GMDS: variants seen among roughly 807,000 people sequenced by gnomAD.
GMDS encodes the protein GDP-mannose 4,6 dehydratase.
In GMDS, 20 loss-of-function variants were observed where a neutral mutation model predicts 49.9. The ratio of observed to expected loss-of-function variants is 0.40; its 90% CI spans 0.28 to 0.58. GMDS has a LOEUF of 0.58. GMDS is among the 20% of genes least tolerant of loss of function. GMDS has a pLI of 0.42. For synonymous variants in GMDS, 177 were observed against 178.6 expected, an observed-to-expected ratio of 0.99 and a Z score of 0.07; for missense variants, 362 against 481.4, an observed-to-expected ratio of 0.75 and a Z score of 2.32.
intron 7 of GMDS, among the ~76,000 whole-genome samples, chr6:1,817,052 G>A (rs1291746911): frequency 3.4e-5 from 5 of 147,716 alleles, no homozygotes; most frequent in Middle Eastern, 3.2e-3. Flanking sequence ...TAAGAAAAGC[G>A]GCATGACTAG....
chr6:1,669,261 C>T (rs904813501), intron 9 of GMDS, among the ~76,000 whole-genome samples: 1 of 152,108 alleles, frequency 6.6e-6, no homozygotes, highest in Non-Finnish European at 1.5e-5. Context: ...GGAATTTCAG[C>T]CTTTTTGGGG....
intron 7 of GMDS, among the ~76,000 whole-genome samples, chr6:1,854,372 G>T (rs1444011749): frequency 1.3e-5 from 2 of 152,118 alleles, no homozygotes; most frequent in Non-Finnish European, 2.9e-5. Flanking sequence ...AGATTTTGTT[G>T]TAAACACCAA....
intron 1 of GMDS, among the ~76,000 whole-genome samples, chr6:2,243,350 C>A (rs1781704663): frequency 6.6e-6 from 1 of 152,176 alleles, no homozygotes; most frequent in Non-Finnish European, 1.5e-5. Flanking sequence ...AATTAGGTTC[C>A]ATTTCTAATC....
chr6:2,111,269 C>G (rs1774532324), intron 4 of GMDS, among the ~76,000 whole-genome samples: 1 of 152,204 alleles, frequency 6.6e-6, no homozygotes, highest in Non-Finnish European at 1.5e-5. Flanking sequence ...ATGGGCAGGA[C>G]TACGCATTGG....
intron 4 of GMDS, among the ~76,000 whole-genome samples, chr6:1,968,210 A>T (rs1392542748): frequency 6.6e-6 from 1 of 152,248 alleles, no homozygotes; most frequent in Non-Finnish European, 1.5e-5. Context: ...GCCACTATTC[A>T]CATATAATAT....
chr6:1,861,841 G>A lies in GMDS; in HGVS notation c.771+68262C>T, dbSNP rs114663723. Among the ~76,000 whole-genome samples, 939 of 152,108 alleles carry A rather than the reference G, an allele frequency of 6.2e-3. 9 individuals carry two copies. The highest frequency in any genetic ancestry group is 0.021 in the African/African-American group (854 of 41,494). On this transcript the variant is annotated intron_variant, in intron 7 of 10. Transcript: ENST00000380815. ...TTTTATAAACACATTTTGTCTTTTC[G>A]GACTTCACCTCTGAAAAAGTGAGTA...
At chr6:1,938,959 C>T (rs1046565497) in intron 6 of GMDS, among the ~76,000 whole-genome samples, 2 of 124,832 alleles carry the variant, frequency 1.6e-5, no homozygotes, top group Non-Finnish European at 3.4e-5. Context: ...TCTTTCCTCC[C>T]CTCCCCTCCC....
At chr6:2,176,507 A>AT (rs1350361546) in intron 1 of GMDS, among the ~76,000 whole-genome samples, 3 of 152,154 alleles carry the variant, frequency 2.0e-5, no homozygotes, top group Admixed American at 1.3e-4. Flanking sequence ...CTTGGAGGAA[A>AT]TTCGGGGTTG....
chr6:2,057,471 G>A (rs563034319), intron 4 of GMDS, among the ~76,000 whole-genome samples: 1 of 152,088 alleles, frequency 6.6e-6, no homozygotes, highest in African/African-American at 2.4e-5. Context: ...ACATCTCTAG[G>A]TGAAAACCTC....
At chr6:1,975,764 A>T (rs1461561402) in intron 4 of GMDS, among the ~76,000 whole-genome samples, 1 of 152,172 alleles carries the variant, frequency 6.6e-6, no homozygotes, top group Non-Finnish European at 1.5e-5. Context: ...ACAGGAGGGG[A>T]ACAAAGAAAA....
chr6:1,725,860 G>A (rs1316326425), intron 9 of GMDS, among the ~76,000 whole-genome samples: 1 of 152,254 alleles, frequency 6.6e-6, no homozygotes, highest in African/African-American at 2.4e-5. Context: ...AGCATATAAT[G>A]TGGATACAAA....
At chr6:1,852,563 G>C (rs576773270) in intron 7 of GMDS, among the ~76,000 whole-genome samples, 2 of 152,094 alleles carry the variant, frequency 1.3e-5, no homozygotes, top group African/African-American at 4.8e-5. Context: ...CCACTAAAAA[G>C]GTGCGTTTCT....
intron 7 of GMDS, among the ~76,000 whole-genome samples, chr6:1,842,567 T>C (rs1044819662): frequency 2.6e-5 from 4 of 152,234 alleles, no homozygotes; most frequent in African/African-American, 9.6e-5. Context: ...ATGTCAATAC[T>C]GTGGACAGCA....
intron 1 of GMDS, among the ~76,000 whole-genome samples, chr6:2,201,354 G>A (rs1341004115): frequency 3.9e-5 from 5 of 128,420 alleles, no homozygotes; most frequent in Non-Finnish European, 3.3e-5. Context: ...GAGAGGTGAA[G>A]GATGAAGAGA....
At chr6:2,149,014 G>A (rs760583225) in intron 1 of GMDS, among the ~76,000 whole-genome samples, 1 of 152,174 alleles carries the variant, frequency 6.6e-6, no homozygotes, top group Non-Finnish European at 1.5e-5. Flanking sequence ...CAGACATGGA[G>A]AGCACCTGAG....
At chr6:1,930,409 T>C (rs1762235530) in intron 6 of GMDS, 179 bp from the exon 7 acceptor site, 3 of 518,464 alleles carry the variant, frequency 5.8e-6, no homozygotes, top group Non-Finnish European at 3.4e-6. Context: ...TTTAGACAAG[T>C]TAAGAAGCCC....
At chr6:1,991,878 G>A (rs1275038050) in intron 4 of GMDS, among the ~76,000 whole-genome samples, 1 of 152,226 alleles carries the variant, frequency 6.6e-6, no homozygotes, top group Admixed American at 6.5e-5. Flanking sequence ...TGTGAGGAGA[G>A]AAGACACAGA....
intron 9 of GMDS, among the ~76,000 whole-genome samples, chr6:1,689,326 G>T (rs1338814098): frequency 6.6e-6 from 1 of 152,136 alleles, no homozygotes; most frequent in Non-Finnish European, 1.5e-5. Context: ...TTACCCAAGT[G>T]TAGGCCTACC....
At chr6:1,820,014 A>G (rs1770829247) in intron 7 of GMDS, among the ~76,000 whole-genome samples, 1 of 151,888 alleles carries the variant, frequency 6.6e-6, no homozygotes, top group South Asian at 2.1e-4. Context: ...ATATCACACA[A>G]ACATTTCTGT....
Sources: gnomAD v4.1 joint callset for allele counts (sites outside exome capture counted in the v4.1 genomes callset) on GRCh38, gnomAD v4.1.1 for gene constraint, MANE v1.5 for transcripts, NCBI Gene and HGNC (gene_info 2026-07-23, HGNC 2026-07-21) for gene names.